Variants in TBCK observed in about 807,000 individuals in gnomAD.
TBCK encodes TBC1 domain containing kinase.
A neutral mutation model predicts 113.4 loss-of-function variants in TBCK; 99 were observed. That is an observed-to-expected ratio of 0.87 (90% CI 0.74 to 1.03). The LOEUF (loss-of-function observed/expected upper bound fraction) is 1.03. TBCK is among the 50% of genes least tolerant of loss of function. TBCK has a pLI of 0.00. For synonymous variants in TBCK, 369 were observed against 370.8 expected, an observed-to-expected ratio of 1.00 and a Z score of 0.05; for missense variants, 1,045 against 1,061.3, an observed-to-expected ratio of 0.98 and a Z score of 0.21.
chr4:106,244,281 T>G (rs1760507237), intron 11 of TBCK, among the ~76,000 whole-genome samples: 1 of 152,116 alleles, frequency 6.6e-6, no homozygotes, highest in Non-Finnish European at 1.5e-5. Context: ...TTAAGCTAGT[T>G]TTTAGTTAAC....
rs191178543 is a variant in TBCK, at chr4:106,127,967, G to A, written c.2236-11589C>T. 1.1e-3 allele frequency among the ~76,000 whole-genome samples: 174 copies of A among 151,876 alleles called. 1 individual carries two copies. The highest frequency in any genetic ancestry group is 4.1e-3 in the African/African-American group (169 of 41,420). On this transcript the variant is annotated intron_variant, in intron 23 of 25. Transcript: ENST00000394708. ...GATAGCACTACACACACACACACGC[G>A]TACACACACATGCGTGCACACACCA... is the stretch of plus-strand genomic sequence containing the variant.
intron 20 of TBCK, among the ~76,000 whole-genome samples, chr4:106,198,107 T>C (rs1399488920): frequency 2.0e-5 from 3 of 152,116 alleles, no homozygotes; most frequent in African/African-American, 7.2e-5. Context: ...AAGGCCACTG[T>C]GAATTAGTGA....
chr4:106,166,526 T>C (rs534776369), intron 23 of TBCK, among the ~76,000 whole-genome samples: 2 of 151,772 alleles, frequency 1.3e-5, no homozygotes, highest in African/African-American at 4.8e-5. Context: ...CAAGGGTATA[T>C]TGTATGATGC....
intron 17 of TBCK, among the ~76,000 whole-genome samples, chr4:106,232,176 G>A (rs1204664299): frequency 6.6e-6 from 1 of 151,240 alleles, no homozygotes; most frequent in Non-Finnish European, 1.5e-5. Flanking sequence ...TTGGGATTAT[G>A]AAAAAAAATT....
chr4:106,242,150 T>TA (rs1330567696), intron 12 of TBCK, among the ~76,000 whole-genome samples: 1 of 152,074 alleles, frequency 6.6e-6, no homozygotes, highest in East Asian at 1.9e-4. Context: ...TAAAAATTAG[T>TA]ATTACAGCAA....
At chr4:106,207,234 C>T (rs554486556) in intron 20 of TBCK, among the ~76,000 whole-genome samples, 8 of 152,246 alleles carry the variant, frequency 5.3e-5, no homozygotes, top group Non-Finnish European at 1.2e-4. Context: ...TCTAACTATT[C>T]AAGCTTTAGC....
At chr4:106,289,992 A>G (rs1340894679) in intron 3 of TBCK, among the ~76,000 whole-genome samples, 1 of 152,116 alleles carries the variant, frequency 6.6e-6, no homozygotes, top group Non-Finnish European at 1.5e-5. Flanking sequence ...TATTTTCATC[A>G]TACATATTGC....
At chr4:106,177,082 A>G (rs1254894191) in intron 22 of TBCK, among the ~76,000 whole-genome samples, 3 of 151,802 alleles carry the variant, frequency 2.0e-5, no homozygotes, top group Non-Finnish European at 2.9e-5. Flanking sequence ...AAGTGATCTT[A>G]TATCACAGCA....
chr4:106,250,788 T>C (rs1560909412), intron 6 of TBCK, among the ~76,000 whole-genome samples: 2 of 151,978 alleles, frequency 1.3e-5, no homozygotes, highest in South Asian at 2.1e-4. Flanking sequence ...TTCCAGGCCA[T>C]ATGGAGTCTT....
chr4:106,313,752 G>A (rs1162326135), intron 1 of TBCK, among the ~76,000 whole-genome samples: 1 of 152,220 alleles, frequency 6.6e-6, no homozygotes, highest in East Asian at 1.9e-4. Context: ...TTGCTTCTAT[G>A]TGCATCATAC....
upstream of TBCK, chr4:106,316,400 A>G (rs1768879283): frequency 1.4e-6 from 1 of 731,568 alleles, no homozygotes. Flanking sequence ...ATGGAAGACG[A>G]GGAGCGTGGT....
intron 19 of TBCK, among the ~76,000 whole-genome samples, chr4:106,223,572 G>A (rs959471296): frequency 2.6e-5 from 4 of 152,012 alleles, no homozygotes; most frequent in African/African-American, 7.2e-5. Flanking sequence ...AAGAACATAC[G>A]ATTCTTTCCC....
chr4:106,169,409 C>A (rs967933156), intron 23 of TBCK, among the ~76,000 whole-genome samples: 1 of 152,042 alleles, frequency 6.6e-6, no homozygotes, highest in Non-Finnish European at 1.5e-5. Context: ...ACCAACTAAT[C>A]TGTGAAAGGA....
At chr4:106,090,242 G>A (rs1276822540) in intron 25 of TBCK, among the ~76,000 whole-genome samples, 2 of 152,216 alleles carry the variant, frequency 1.3e-5, no homozygotes, top group Admixed American at 6.5e-5. Flanking sequence ...GCTCCCTCTA[G>A]GGTGGCAGCC....
At chr4:106,232,470 A>G (rs113935028) in intron 17 of TBCK, among the ~76,000 whole-genome samples, 21 of 151,972 alleles carry the variant, frequency 1.4e-4, no homozygotes, top group African/African-American at 4.6e-4. Context: ...AAAAATAATA[A>G]TGGCAAAGCT....
chr4:106,213,796 C>T lies in TBCK; in HGVS notation c.1775-961G>A, dbSNP rs539432371. On this transcript the variant is annotated intron_variant, in intron 19 of 25. Transcript: ENST00000394708. ...GGCGGCAGCGAGGCTGGGGGAGGGG[C>T]GCCCACCATTGCCCAGGCTTGCTTA... 51 of 156,490 alleles carry T rather than the reference C, an allele frequency of 3.3e-4. 1 individual carries two copies. The South Asian group carries it at 8.1e-3, about 25-fold the overall frequency. 9.7% of individuals were successfully genotyped at this position (156,490 alleles called of 1,614,324 possible).
intron 20 of TBCK, among the ~76,000 whole-genome samples, chr4:106,195,990 T>C (rs2149821864): frequency 6.7e-6 from 1 of 149,838 alleles, no homozygotes; most frequent in South Asian, 2.2e-4. Context: ...TAAGAATTAA[T>C]TAGATACTTT....
At position 106,043,631 on chromosome 4, in the gene TBCK, T is replaced by C. The variant is rs978862507; in HGVS notation, c.*2939A>G. On this transcript the variant is annotated 3_prime_UTR_variant, in exon 26 of 26. Coordinates refer to ENST00000394708, the MANE Select transcript of TBCK (RefSeq NM_001163435.3). The stretch of plus-strand genomic sequence containing the variant: ...GTAAATTATGAATGGAATGCTTTAG[T>C]AGATTTGGGGCTCTTAGTGCAGCAT... The C allele has an allele frequency of 1.3e-5, 2 of 152,156 alleles. No individual in the cohort carries two copies. The highest frequency in any genetic ancestry group is 4.8e-5 in the African/African-American group (2 of 41,426). The allele number at this position is 152,156 out of a possible 1,614,324, so 9.4% of individuals were successfully genotyped here.
intron 19 of TBCK, among the ~76,000 whole-genome samples, chr4:106,221,349 A>G (rs1446372123): frequency 1.3e-5 from 2 of 152,192 alleles, no homozygotes; most frequent in Non-Finnish European, 2.9e-5. Context: ...ACACACAGAC[A>G]TAAAATATAT....
Sources: gnomAD v4.1 joint callset for allele counts (sites outside exome capture counted in the v4.1 genomes callset) on GRCh38, gnomAD v4.1.1 for gene constraint, MANE v1.5 for transcripts, NCBI Gene and HGNC (gene_info 2026-07-23, HGNC 2026-07-21) for gene names.